CCDC150: variants seen among roughly 807,000 people sequenced by gnomAD.
The protein encoded by CCDC150 is coiled-coil domain containing 150.
Under a neutral mutation model 156.5 loss-of-function variants are expected in CCDC150, and 151 were observed. The ratio of observed to expected loss-of-function variants is 0.97; its 90% CI spans 0.85 to 1.10. CCDC150 has a LOEUF of 1.10. Among genes scored for constraint, CCDC150 ranks in the 50% least tolerant of loss-of-function variants. CCDC150 has a pLI of 0.00. For synonymous variants in CCDC150, 452 were observed against 429.4 expected (o/e 1.05, Z -0.65); for missense variants, 1,312 against 1,268.1 (o/e 1.03, Z -0.53).
intron 2 of CCDC150, among the ~76,000 whole-genome samples, chr2:196,653,911 G>T (rs571340439): frequency 1.3e-5 from 2 of 152,282 alleles, no homozygotes; most frequent in East Asian, 1.9e-4. Flanking sequence ...ACCAGCATCG[G>T]TTTACCTTCT....
chr2:196,667,914 A>T (rs894264690), intron 7 of CCDC150: 2 of 152,242 alleles, frequency 1.3e-5, no homozygotes, highest in African/African-American at 4.8e-5. Flanking sequence ...GCCTACAAAA[A>T]TACATGTATA....
intron 17 of CCDC150, chr2:196,713,468 C>G: frequency 6.4e-7 from 1 of 1,550,772 alleles, no homozygotes; most frequent in Non-Finnish European, 8.7e-7. Context: ...AGTTGGTTTG[C>G]CTAGTGTTAT....
chr2:196,726,415 C>T (rs2125714732), intron 22 of CCDC150: 1 of 234,158 alleles, frequency 4.3e-6, no homozygotes, highest in South Asian at 7.0e-5. Flanking sequence ...ATTTAACTGG[C>T]ATCTATTCTG....
At chr2:196,715,680 T>C (rs766542317) in intron 17 of CCDC150, among the ~76,000 whole-genome samples, 1 of 152,196 alleles carries the variant, frequency 6.6e-6, no homozygotes, top group Non-Finnish European at 1.5e-5. Context: ...AAAATATCTT[T>C]GCTCCATACC....
chr2:196,699,074 T>G (rs1354201901), intron 14 of CCDC150, among the ~76,000 whole-genome samples: 1 of 152,214 alleles, frequency 6.6e-6, no homozygotes. Flanking sequence ...CACTGTGTTT[T>G]CCGCAAAAAT....
chr2:196,698,142 T>C (rs1418531012), intron 14 of CCDC150, among the ~76,000 whole-genome samples: 1 of 152,334 alleles, frequency 6.6e-6, no homozygotes, highest in Non-Finnish European at 1.5e-5. Flanking sequence ...GGTTTCTAAT[T>C]TCTTGTCTCC....
chr2:196,652,245 A>T (rs2125577343), intron 2 of CCDC150, among the ~76,000 whole-genome samples: 1 of 152,348 alleles, frequency 6.6e-6, no homozygotes, highest in East Asian at 1.9e-4. Context: ...TTCCAGCGTT[A>T]ATTCAGAAGT....
intron 17 of CCDC150, chr2:196,713,631 C>G: frequency 1.4e-6 from 2 of 1,465,494 alleles, no homozygotes; most frequent in South Asian, 1.5e-5. Context: ...GAGATTCTAG[C>G]CTCAAGACCT....
chr2:196,664,877 ATATATTTC>A (rs1693754662), intron 5 of CCDC150, among the ~76,000 whole-genome samples: 1 of 152,118 alleles, frequency 6.6e-6, no homozygotes, highest in Admixed American at 6.6e-5. Flanking sequence ...GAAATGAAAT[ATATATTTC>A]TTATTATATC....
chr2:196,651,132 A>G (rs1692849497), intron 2 of CCDC150, among the ~76,000 whole-genome samples: 1 of 152,188 alleles, frequency 6.6e-6, no homozygotes, highest in Admixed American at 6.5e-5. Flanking sequence ...TTTTAAGGTG[A>G]TAACAATTTA....
chr2:196,716,352 CAACTT>C (rs140002089), intron 17 of CCDC150, among the ~76,000 whole-genome samples: 1,798 of 152,292 alleles, frequency 0.012, 38 homozygotes, highest in African/African-American at 0.041. Context: ...AAACTGGAAA[CAACTT>C]AAGTGTCCAC....
chr2:196,658,419 G>A lies in CCDC150; in HGVS notation c.577-373G>A, dbSNP rs577193083. ...TTTTTCATCCTCAACTTGTAAGCAC[G>A]AATAATATTTGAAGCTGGAAAAATA... On this transcript the variant is annotated intron_variant, in intron 4 of 27. Coordinates refer to ENST00000389175, the MANE Select transcript of CCDC150 (RefSeq NM_001080539.2). Among the ~76,000 whole-genome samples the A allele has an allele frequency of 1.5e-4, 23 of 152,102 alleles. No homozygotes were observed. The South Asian group carries it at 4.2e-3, about 27-fold the overall frequency.
At chr2:196,644,980 C>T (rs9288266) in intron 1 of CCDC150, among the ~76,000 whole-genome samples, 137,007 of 150,860 alleles carry the variant, frequency 0.91, 62,244 homozygotes, top group East Asian at 0.98. Context: ...AAAAATTAGC[C>T]GGGCATGGTG....
chr2:196,685,670 G>A (rs6761318), intron 13 of CCDC150, among the ~76,000 whole-genome samples: 116,153 of 151,196 alleles, frequency 0.77, 44,726 homozygotes, highest in East Asian at 0.82. Context: ...GGAGTGCAGC[G>A]GTGCCATCTC....
chr2:196,695,473 C>CCTCCATCCTAGAACAATATTGCCT (rs1244511786), intron 14 of CCDC150, among the ~76,000 whole-genome samples: 5 of 152,096 alleles, frequency 3.3e-5, no homozygotes, highest in Non-Finnish European at 7.4e-5. Flanking sequence ...CTCCATTAGG[C>CCTCCATCCTAGAACAATATTGCCT]AATCAGTAAT....
intron 15 of CCDC150, among the ~76,000 whole-genome samples, chr2:196,704,534 T>C (rs899275443): frequency 2.0e-5 from 3 of 152,140 alleles, no homozygotes; most frequent in Admixed American, 2.0e-4. Flanking sequence ...TAAAAGTAGT[T>C]ATGCCAGTTT....
chr2:196,720,497 T>G, intron 19 of CCDC150, 78 bp from the exon 20 acceptor site: 1 of 1,131,746 alleles, frequency 8.8e-7, no homozygotes, highest in Non-Finnish European at 1.3e-6. Flanking sequence ...AGAAGAAAAG[T>G]GTTCTGTAAC....
At chr2:196,666,651 T>C (rs2125597803) in intron 6 of CCDC150, 68 bp from the exon 7 acceptor site, 4 of 1,300,316 alleles carry the variant, frequency 3.1e-6, no homozygotes, top group Non-Finnish European at 4.2e-6. Context: ...GCCTTATACA[T>C]GTGCTATAAG....
chr2:196,672,817 C>T (rs1003436012), intron 9 of CCDC150, among the ~76,000 whole-genome samples: 3 of 152,012 alleles, frequency 2.0e-5, no homozygotes, highest in Non-Finnish European at 4.4e-5. Flanking sequence ...AATAATTATA[C>T]AGTAGGAACC....
Sources: gnomAD v4.1 joint callset for allele counts (sites outside exome capture counted in the v4.1 genomes callset) on GRCh38, gnomAD v4.1.1 for gene constraint, MANE v1.5 for transcripts, NCBI Gene and HGNC (gene_info 2026-07-23, HGNC 2026-07-21) for gene names.